LAMA2: variants seen among roughly 807,000 people sequenced by gnomAD.
LAMA2 encodes laminin subunit alpha 2, also known as laminin subunit alpha-2.
A neutral mutation model predicts 364.8 loss-of-function variants in LAMA2; 269 were observed. That is an observed-to-expected ratio of 0.74 (90% CI 0.67 to 0.82). The LOEUF (loss-of-function observed/expected upper bound fraction) is 0.82, where lower values mean the gene tolerates loss of function less well. LAMA2 is among the 40% of genes least tolerant of loss of function. The pLI is 0.00. For synonymous variants in LAMA2, 1,379 were observed against 1,370.6 expected (o/e 1.01, Z -0.14); for missense variants, 3,807 against 3,873.2 (o/e 0.98, Z 0.45).
At chr6:128,928,551 G>A (rs1235955245) in intron 1 of LAMA2, among the ~76,000 whole-genome samples, 1 of 152,160 alleles carries the variant, frequency 6.6e-6, no homozygotes, top group Admixed American at 6.5e-5. Flanking sequence ...CCATAAAGCC[G>A]TTCAAGGAGA....
intron 12 of LAMA2, among the ~76,000 whole-genome samples, chr6:129,239,588 T>C (rs1005508839): frequency 2.6e-5 from 4 of 152,212 alleles, no homozygotes; most frequent in African/African-American, 9.6e-5. Flanking sequence ...ATTCCTTTTC[T>C]ATCACCCCAG....
intron 2 of LAMA2, among the ~76,000 whole-genome samples, chr6:129,054,071 T>G (rs1045815057): frequency 6.6e-6 from 1 of 152,118 alleles, no homozygotes; most frequent in Non-Finnish European, 1.5e-5. Flanking sequence ...AAAGAATGAA[T>G]AGCAGCAGTC....
intron 13 of LAMA2, 127 bp from the exon 14 acceptor site, chr6:129,251,957 A>T (rs537220917): frequency 2.7e-5 from 18 of 655,724 alleles, no homozygotes; most frequent in East Asian, 1.4e-4. Flanking sequence ...AATAAATAAA[A>T]AATAAACATA....
At chr6:129,159,226 G>C (rs1241933854) in intron 8 of LAMA2, 4 of 982,764 alleles carry the variant, frequency 4.1e-6, no homozygotes, top group African/African-American at 3.2e-5. Context: ...GTAAAAGATC[G>C]CAAGCACTTG....
intron 45 of LAMA2, among the ~76,000 whole-genome samples, chr6:129,448,264 C>T (rs1782490724): frequency 6.7e-6 from 1 of 150,064 alleles, no homozygotes; most frequent in Non-Finnish European, 1.5e-5. Flanking sequence ...GCCTGGGTGG[C>T]AAATAGAAAC....
chr6:129,086,768 TTAATAGGTTAGTAGTC>T (rs1431375554), intron 3 of LAMA2, among the ~76,000 whole-genome samples: 5 of 152,216 alleles, frequency 3.3e-5, no homozygotes, highest in Non-Finnish European at 5.9e-5. Context: ...ATCTCACAGT[TTAATAGGTTAGTAGTC>T]TGACACAAGT....
rs1485467888 is a variant in LAMA2, at chr6:129,349,377, T to G, written c.4516T>G (p.Cys1506Gly). 6.2e-7 allele frequency: 1 copy of G among 1,612,524 alleles called. No homozygotes were observed. The highest frequency in any genetic ancestry group is 1.1e-5 in the South Asian group (1 of 91,056). Residue 1506 changes from cysteine to glycine, a missense_variant, in exon 31 of 65, where the codon TGT (cysteine) becomes GGT (glycine). Cys to Gly is a radical substitution (Grantham distance 159). Coordinates refer to ENST00000421865, the MANE Select transcript of LAMA2 (RefSeq NM_000426.4). ...ACPRGYEGQYCERCAPGYTGS... is the reference protein window; with the variant it reads ...ACPRGYEGQYGERCAPGYTGS... ...TCCACGGGGATATGAAGGCCAGTAC[T>G]GTGAAAGGTACCAACAGCCATGAAA...
At position 129,093,053 on chromosome 6, in the gene LAMA2, C is replaced by T. The variant is rs373345180; in HGVS notation, c.397-5120C>T. On this transcript the variant is annotated intron_variant, in intron 3 of 64. Coordinates refer to ENST00000421865, the MANE Select transcript of LAMA2 (RefSeq NM_000426.4). Reference sequence around the variant, plus strand: ...CCCGAGTGCAGTGGTGTGATCTCGGCTCACTGCAACCTCCGCCTTCCGATT... The same window carrying T: ...CCCGAGTGCAGTGGTGTGATCTCGGTTCACTGCAACCTCCGCCTTCCGATT... Among the ~76,000 whole-genome samples, 297 of 150,976 alleles carry T rather than the reference C, an allele frequency of 2.0e-3. 1 individual carries two copies. The highest frequency in any genetic ancestry group is 6.9e-3 in the African/African-American group (285 of 41,012).
At chr6:129,009,132 C>T (rs1784616854) in intron 1 of LAMA2, among the ~76,000 whole-genome samples, 1 of 152,006 alleles carries the variant, frequency 6.6e-6, no homozygotes, top group Non-Finnish European at 1.5e-5. Context: ...GGGAAATGGT[C>T]CTCTTTCTTG....
chr6:129,332,426 C>T (rs1172561239), intron 29 of LAMA2, among the ~76,000 whole-genome samples: 3 of 152,038 alleles, frequency 2.0e-5, no homozygotes, highest in Non-Finnish European at 2.9e-5. Context: ...AAGCAAGGTC[C>T]TTTATTTCTC....
rs749664821 is a variant in LAMA2, at chr6:129,383,133, G to C, written c.4971G>C (p.Val1657=). 1 of 1,613,626 alleles carries C rather than the reference G, an allele frequency of 6.2e-7. No individual in the cohort carries two copies. Among genetic ancestry groups the C allele is most frequent in the Non-Finnish European group, 8.5e-7 (1 of 1,179,784 alleles). ...ATTTGGATCATTAGGCTACCAAAGTGACAGCAGATGGCGAGCAGACCGGAC... is the reference window on the plus strand; with the variant it reads ...ATTTGGATCATTAGGCTACCAAAGTCACAGCAGATGGCGAGCAGACCGGAC... The part of the protein sequence containing the change: ...MNELLTRATK[V]TADGEQTGQD... The change falls in exon 35 of 65, where the codon GTG becomes GTC. Residue 1657 remains valine (V), a synonymous_variant. Transcript: ENST00000421865.
Position 129,492,342 on chromosome 6 carries a change from C to T in LAMA2, c.8103C>T (p.Ser2701=). ...CCATGGACTTTGCAAGGCCTGTGTC[C>T]TTCAAAAATGCTGACATTGGTCGCT... ...SVPMDFARPV[S]FKNADIGRCA... is the part of the protein sequence containing the mutation. Residue 2701 remains serine (S), a synonymous_variant, in exon 58 of 65, where the codon TCC becomes TCT. Coordinates refer to ENST00000421865, the MANE Select transcript of LAMA2 (RefSeq NM_000426.4). 6.2e-7 allele frequency: 1 copy of T among 1,614,128 alleles called. No homozygotes were observed.
intron 12 of LAMA2, among the ~76,000 whole-genome samples, chr6:129,204,718 C>A (rs1439386245): frequency 6.6e-6 from 1 of 152,078 alleles, no homozygotes; most frequent in African/African-American, 2.4e-5. Context: ...GCAGCCCTAG[C>A]AAACCAATAC....
chr6:129,149,903 G>A lies in LAMA2; in HGVS notation c.1027+807G>A, dbSNP rs967341963. On this transcript the variant is annotated intron_variant, in intron 7 of 64. Coordinates refer to ENST00000421865, the MANE Select transcript of LAMA2 (RefSeq NM_000426.4). ...AAAGTGTACAGGAGGATGTGCATAGGCTGTATGCAAGTACTATGCCACTGT... is the reference window on the plus strand; with the variant it reads ...AAAGTGTACAGGAGGATGTGCATAGACTGTATGCAAGTACTATGCCACTGT... Among the ~76,000 whole-genome samples the A allele has an allele frequency of 3.3e-5, 5 of 152,092 alleles. No individual in the cohort carries two copies. In the South Asian group the frequency reaches 8.3e-4, roughly 25 times the overall value.
chr6:129,109,411 G>C (rs1583058102), intron 4 of LAMA2, among the ~76,000 whole-genome samples: 1 of 152,026 alleles, frequency 6.6e-6, no homozygotes, highest in African/African-American at 2.4e-5. Flanking sequence ...ATTTCTATAA[G>C]AGAGAACATA....
intron 1 of LAMA2, among the ~76,000 whole-genome samples, chr6:128,994,705 G>T (rs1783816263): frequency 1.3e-5 from 2 of 151,968 alleles, no homozygotes; most frequent in Non-Finnish European, 2.9e-5. Flanking sequence ...TTGGTTTTCT[G>T]GGCAGAGAAA....
intron 4 of LAMA2, among the ~76,000 whole-genome samples, chr6:129,122,272 TTA>T (rs1481554062): frequency 6.6e-6 from 1 of 152,194 alleles, no homozygotes; most frequent in Non-Finnish European, 1.5e-5. Flanking sequence ...TGAGAAAATC[TTA>T]TATGAGAACT....
At chr6:128,959,812 CCT>C in intron 1 of LAMA2, among the ~76,000 whole-genome samples, 1 of 151,774 alleles carries the variant, frequency 6.6e-6, no homozygotes, top group Non-Finnish European at 1.5e-5. Context: ...CTTTTTATTG[CCT>C]CTCTCTGTAC....
chr6:129,118,755 C>G (rs1411332410), intron 4 of LAMA2, among the ~76,000 whole-genome samples: 1 of 152,130 alleles, frequency 6.6e-6, no homozygotes, highest in Non-Finnish European at 1.5e-5. Flanking sequence ...GAATCAAAGA[C>G]TGATGAGAAA....
Sources: allele counts gnomAD v4.1 joint callset (sites outside exome capture counted in the v4.1 genomes callset), GRCh38; gene constraint gnomAD v4.1.1; transcripts MANE v1.5; gene names NCBI Gene and HGNC (gene_info 2026-07-23, HGNC 2026-07-21).